The following DTWD2 variants were observed in gnomAD, a reference collection of about 807,000 sequenced individuals.
The protein encoded by DTWD2 is DTW motif tRNA-uridine aminocarboxypropyltransferase 2, also known as tRNA-uridine aminocarboxypropyltransferase 2.
A neutral mutation model predicts 31.8 loss-of-function variants in DTWD2; 39 were observed. That is an observed-to-expected ratio of 1.22 (90% CI 0.95 to 1.60). The LOEUF (loss-of-function observed/expected upper bound fraction) is 1.60. DTWD2 is among the 40% of genes most tolerant of loss of function. The pLI is 0.00. For missense variants in DTWD2, 515 were observed against 381.5 expected (o/e 1.35, Z -2.92); for synonymous variants, 180 against 142.8 (o/e 1.26, Z -1.86).
intron 4 of DTWD2, among the ~76,000 whole-genome samples, chr5:118,875,120 C>G (rs145710475): frequency 1.3e-5 from 2 of 151,920 alleles, no homozygotes; most frequent in Admixed American, 6.6e-5. Flanking sequence ...AAGATTCATA[C>G]GGAGAAAAAA....
chr5:118,877,908 C>G (rs671021), intron 4 of DTWD2, among the ~76,000 whole-genome samples: 10 of 152,086 alleles, frequency 6.6e-5, no homozygotes, highest in Non-Finnish European at 1.5e-4. Context: ...AACAGTTAAG[C>G]TGAGAGCCAA....
At position 118,932,181 on chromosome 5, in the gene DTWD2, AAAC is replaced by A. The variant is rs988617723; in HGVS notation, c.405-3455_405-3453del. On this transcript the variant is annotated intron_variant, in intron 3 of 5. Transcript: ENST00000510708. Reference sequence around the variant, plus strand: ...CTCCTTAAAAACACAACAACAACAAAAACAACAACAACAACAAAAGCTAGATAG... The same window carrying A: ...CTCCTTAAAAACACAACAACAACAAAAACAACAACAACAAAAGCTAGATAG... 5.9e-5 allele frequency among the ~76,000 whole-genome samples: 9 copies of A among 151,974 alleles called. No homozygotes were observed. The South Asian group carries it at 1.5e-3, about 25-fold the overall frequency.
Position 118,840,964 on chromosome 5 carries a change from G to C in DTWD2, c.850C>G (p.Arg284Gly). ...LYPKPMPKNK[R>G]KLRKMELLMN... ...AACAATTCCATTTTCCTGAGTTTGCGTTTGTTCTTTGGCATTGGTTTAGGA... is the reference window on the plus strand; with the variant it reads ...AACAATTCCATTTTCCTGAGTTTGCCTTTGTTCTTTGGCATTGGTTTAGGA... The change falls in exon 6 of 6, where the codon CGC (arginine) becomes GGC (glycine). Residue 284 changes from arginine to glycine, a missense_variant. Arg to Gly is a moderately radical substitution (Grantham distance 125). Transcript: ENST00000510708. The C allele has an allele frequency of 6.2e-7, 1 of 1,613,600 alleles. No homozygotes were observed. The highest frequency in any genetic ancestry group is 8.5e-7 in the Non-Finnish European group (1 of 1,179,754).
chr5:118,854,371 A>G (rs1204136473), intron 4 of DTWD2, among the ~76,000 whole-genome samples: 1 of 152,106 alleles, frequency 6.6e-6, no homozygotes, highest in Non-Finnish European at 1.5e-5. Flanking sequence ...AAATATTGTC[A>G]TTAATTTCTC....
intron 1 of DTWD2, among the ~76,000 whole-genome samples, chr5:118,975,675 T>C: frequency 6.6e-6 from 1 of 152,186 alleles, no homozygotes; most frequent in East Asian, 1.9e-4. Flanking sequence ...TATCTACCTT[T>C]GGTCTTTGAC....
chr5:118,948,459 C>T (rs768907056), intron 1 of DTWD2, among the ~76,000 whole-genome samples: 22 of 151,862 alleles, frequency 1.4e-4, no homozygotes, highest in Non-Finnish European at 2.8e-4. Flanking sequence ...CCAGCCTGGG[C>T]GACAAAGCAA....
chr5:118,985,436 G>A lies in DTWD2; in HGVS notation c.218+2858C>T, dbSNP rs558124003. 4.2e-5 allele frequency among the ~76,000 whole-genome samples: 6 copies of A among 143,514 alleles called. No individual in the cohort carries two copies. In the South Asian group the frequency reaches 1.3e-3, roughly 32 times the overall value. The allele number at this position is 143,514 out of a possible 152,430, so 94.2% of individuals were successfully genotyped here. On this transcript the variant is annotated intron_variant, in intron 1 of 5. Transcript: ENST00000510708. ...ACCTTACATATACCCATCTAAGAAAGAAGCTGATAGTATAGAATTCAACAA... is the reference window on the plus strand; with the variant it reads ...ACCTTACATATACCCATCTAAGAAAAAAGCTGATAGTATAGAATTCAACAA...
intron 4 of DTWD2, among the ~76,000 whole-genome samples, chr5:118,875,542 G>C (rs1288021993): frequency 7.3e-6 from 1 of 137,616 alleles, no homozygotes; most frequent in Non-Finnish European, 1.5e-5. Flanking sequence ...AAAAAAGGTA[G>C]GGGTTGCAAT....
chr5:118,921,739 G>A (rs299214), intron 4 of DTWD2, among the ~76,000 whole-genome samples: 31,863 of 152,010 alleles, frequency 0.21, 4,285 homozygotes, highest in Non-Finnish European at 0.31. Context: ...ACAGTAAGTA[G>A]AATAGCCTAT....
At chr5:118,888,218 C>A (rs1398360682) in intron 4 of DTWD2, among the ~76,000 whole-genome samples, 2 of 152,178 alleles carry the variant, frequency 1.3e-5, no homozygotes, top group Non-Finnish European at 2.9e-5. Context: ...GCACACCTAA[C>A]CCTTTGTAAT....
At chr5:118,856,930 G>A (rs970108061) in intron 4 of DTWD2, among the ~76,000 whole-genome samples, 10 of 151,260 alleles carry the variant, frequency 6.6e-5, no homozygotes, top group Admixed American at 6.6e-5. Context: ...CTGCCACCAC[G>A]CCCAATTAAT....
chr5:118,948,987 C>T (rs537504531), intron 1 of DTWD2, among the ~76,000 whole-genome samples: 9 of 151,950 alleles, frequency 5.9e-5, no homozygotes, highest in Non-Finnish European at 1.2e-4. Context: ...TAGCCAGACA[C>T]GATCAGCAGG....
chr5:118,894,117 T>C (rs1241281530), intron 4 of DTWD2, among the ~76,000 whole-genome samples: 1 of 152,012 alleles, frequency 6.6e-6, no homozygotes, highest in Non-Finnish European at 1.5e-5. Context: ...CACCAGTGTC[T>C]TTCTTCTAGT....
intron 1 of DTWD2, among the ~76,000 whole-genome samples, chr5:118,962,776 G>A (rs1754735227): frequency 1.3e-5 from 2 of 152,222 alleles, no homozygotes; most frequent in African/African-American, 4.8e-5. Flanking sequence ...GCAGGAGGTA[G>A]TATTTTTAGC....
intron 4 of DTWD2, among the ~76,000 whole-genome samples, chr5:118,873,481 A>G (rs373604303): frequency 6.6e-6 from 1 of 152,226 alleles, no homozygotes; most frequent in African/African-American, 2.4e-5. Context: ...CGGCTCCTAC[A>G]GCCATACATC....
chr5:118,841,853 G>A (rs961440063), intron 5 of DTWD2, among the ~76,000 whole-genome samples: 5 of 151,764 alleles, frequency 3.3e-5, no homozygotes, highest in Non-Finnish European at 4.4e-5. Flanking sequence ...TGAGACCCCT[G>A]ATGAAGATAT....
At chr5:118,968,927 AC>A (rs1419275289) in intron 1 of DTWD2, among the ~76,000 whole-genome samples, 6 of 152,028 alleles carry the variant, frequency 3.9e-5, no homozygotes. Flanking sequence ...CCTGAAATGA[AC>A]CAAGTTCCTG....
At chr5:118,860,981 C>T (rs1384355399) in intron 4 of DTWD2, among the ~76,000 whole-genome samples, 1 of 152,142 alleles carries the variant, frequency 6.6e-6, no homozygotes, top group Non-Finnish European at 1.5e-5. Context: ...AAACTGCCTC[C>T]ATTTCTCAAT....
intron 1 of DTWD2, among the ~76,000 whole-genome samples, chr5:118,950,806 T>C (rs1199208276): frequency 2.0e-5 from 3 of 152,348 alleles, no homozygotes; most frequent in South Asian, 2.1e-4. Flanking sequence ...CAGAAATACA[T>C]TGCTGCTTGG....
Sources: gnomAD v4.1 joint callset for allele counts (sites outside exome capture counted in the v4.1 genomes callset) on GRCh38, gnomAD v4.1.1 for gene constraint, MANE v1.5 for transcripts, NCBI Gene and HGNC (gene_info 2026-07-23, HGNC 2026-07-21) for gene names.